The following CCDC7 variants were observed in gnomAD, a reference collection of about 807,000 sequenced individuals.
CCDC7 encodes the protein coiled-coil domain containing 7, also known as coiled-coil domain-containing protein 7.
Under a neutral mutation model 196.9 loss-of-function variants are expected in CCDC7, and 183 were observed. The ratio of observed to expected loss-of-function variants is 0.93; its 90% confidence interval spans 0.82 to 1.05. The LOEUF is 1.05. Among genes scored for constraint, CCDC7 ranks in the 50% least tolerant of loss-of-function variants. The pLI is 0.00. For synonymous variants in CCDC7, 525 were observed against 484.6 expected, an observed-to-expected ratio of 1.08 and a Z score of -1.10; for missense variants, 1,540 against 1,482.2, an observed-to-expected ratio of 1.04 and a Z score of -0.64.
At chr10:32,866,251 A>C (rs947703) in intron 41 of CCDC7, among the ~76,000 whole-genome samples, 2 of 151,636 alleles carry the variant, frequency 1.3e-5, no homozygotes, top group Admixed American at 1.3e-4. Context: ...AAAGAAATAA[A>C]TGATAAGCTA....
chr10:32,578,598 C>T lies in CCDC7; in HGVS notation c.1455-4436C>T, dbSNP rs942736625. 5.9e-5 allele frequency among the ~76,000 whole-genome samples: 9 copies of T among 151,540 alleles called. No individual in the cohort carries two copies. The South Asian group carries it at 1.5e-3, about 25-fold the overall frequency. On this transcript the variant is annotated intron_variant, in intron 16 of 41. Coordinates refer to ENST00000639629, the Ensembl canonical transcript of CCDC7. ...TGTGAAGTTAACAATAGGATTTGTG[C>T]TTCTATGAGAAACTAATGCGGCTGC...
rs561805217 is a variant in CCDC7, at chr10:32,494,052, A to G, written c.872+2055A>G. On this transcript the variant is annotated intron_variant, in intron 9 of 41. Coordinates refer to ENST00000639629, the Ensembl canonical transcript of CCDC7. ...AAACTATTTAGCTTGATGCAGTCCC[A>G]TTTGTCTATTTTTGCTTTTGTTACC... 5.3e-5 allele frequency among the ~76,000 whole-genome samples: 8 copies of G among 152,142 alleles called. No homozygotes were observed. In the South Asian group the frequency reaches 1.5e-3, roughly 28 times the overall value.
At chr10:32,684,323 G>C (rs2076217955) in intron 21 of CCDC7, among the ~76,000 whole-genome samples, 1 of 152,202 alleles carries the variant, frequency 6.6e-6, no homozygotes, top group Non-Finnish European at 1.5e-5. Context: ...GGCCTGAATA[G>C]CGGCTCTGCG....
At chr10:32,541,081 T>C (rs921688783) in intron 11 of CCDC7, among the ~76,000 whole-genome samples, 1 of 152,056 alleles carries the variant, frequency 6.6e-6, no homozygotes, top group Admixed American at 6.5e-5. Context: ...TTCTTTGTTT[T>C]TGTCTGATTG....
intron 13 of CCDC7, among the ~76,000 whole-genome samples, chr10:32,551,404 GCT>G (rs1210394298): frequency 2.6e-5 from 4 of 151,762 alleles, no homozygotes; most frequent in African/African-American, 9.7e-5. Context: ...ATTTAGTTCT[GCT>G]CTGATCTTGG....
intron 21 of CCDC7, among the ~76,000 whole-genome samples, chr10:32,675,216 A>G (rs2074725281): frequency 6.6e-6 from 1 of 151,914 alleles, no homozygotes; most frequent in African/African-American, 2.4e-5. Flanking sequence ...ACTTTTTATA[A>G]TGATATACTT....
intron 13 of CCDC7, among the ~76,000 whole-genome samples, chr10:32,562,773 A>C (rs577312400): frequency 2.6e-5 from 4 of 152,036 alleles, no homozygotes; most frequent in African/African-American, 9.7e-5. Flanking sequence ...ACTCCTATTC[A>C]ACATAGTGTT....
chr10:32,453,281 C>T (rs2033554537), intron 1 of CCDC7, 63 bp from the exon 3 acceptor site: 1 of 1,106,870 alleles, frequency 9.0e-7, no homozygotes, highest in Non-Finnish European at 1.2e-6. Context: ...ATATTATTTA[C>T]ATTTAATATA....
intron 20 of CCDC7, among the ~76,000 whole-genome samples, chr10:32,641,981 G>A (rs2066889838): frequency 6.6e-6 from 1 of 152,210 alleles, no homozygotes; most frequent in Non-Finnish European, 1.5e-5. Flanking sequence ...TTGGTGAACA[G>A]CAAATGTTGC....
At chr10:32,866,204 A>G (rs1261471655) in intron 41 of CCDC7, among the ~76,000 whole-genome samples, 2 of 151,820 alleles carry the variant, frequency 1.3e-5, no homozygotes, top group African/African-American at 2.4e-5. Context: ...GGGTGTGTCA[A>G]TGACTGTTTA....
At chr10:32,444,029 G>A (rs2030468243), upstream of CCDC7, among the ~76,000 whole-genome samples, 1 of 152,136 alleles carries the variant, frequency 6.6e-6, no homozygotes, top group African/African-American at 2.4e-5. Context: ...GAAATTGTAT[G>A]TTGTCTGGGA....
intron 29 of CCDC7, among the ~76,000 whole-genome samples, chr10:32,803,668 T>A (rs575749247): frequency 6.6e-6 from 1 of 152,318 alleles, no homozygotes; most frequent in East Asian, 1.9e-4. Flanking sequence ...TAGTTGCTTC[T>A]TGGTTTTTTG....
At chr10:32,751,868 G>T (rs549766565) in intron 28 of CCDC7, among the ~76,000 whole-genome samples, 1 of 152,222 alleles carries the variant, frequency 6.6e-6, no homozygotes, top group East Asian at 1.9e-4. Flanking sequence ...TATTCTTCAA[G>T]TTTATGAACC....
Position 32,548,263 on chromosome 10 carries a change from C to T in CCDC7, c.1134+3962C>T, listed in dbSNP as rs200095843. Among the ~76,000 whole-genome samples, 26 of 152,148 alleles carry T rather than the reference C, an allele frequency of 1.7e-4. No homozygotes were observed. In the East Asian group the frequency reaches 3.3e-3, roughly 19 times the overall value. ...TGGACCGCACAGTCTAAGCTAATTC[C>T]GATTGGCTATTTTAAAGAGAGCAGG... On this transcript the variant is annotated intron_variant, in intron 13 of 41. Coordinates refer to ENST00000639629, the Ensembl canonical transcript of CCDC7.
At chr10:32,494,238 T>G (rs1436431717) in intron 9 of CCDC7, among the ~76,000 whole-genome samples, 1 of 152,164 alleles carries the variant, frequency 6.6e-6, no homozygotes, top group African/African-American at 2.4e-5. Flanking sequence ...AGGACCCTAT[T>G]TCATTCTTCT....
Position 32,811,239 on chromosome 10 carries a change from A to C in CCDC7, c.3098-3131A>C, listed in dbSNP as rs1048369149. On this transcript the variant is annotated intron_variant, in intron 30 of 41. Coordinates refer to ENST00000639629, the Ensembl canonical transcript of CCDC7. ...AAAACTTGGTGTTTTAAAAAGATGA[A>C]ATTAATAAACCACTAGGTAGACTAA... 2.6e-5 allele frequency among the ~76,000 whole-genome samples: 4 copies of C among 152,194 alleles called. No individual in the cohort carries two copies. The East Asian group carries it at 7.7e-4, about 29-fold the overall frequency.
At chr10:32,824,435 TATG>T in intron 31 of CCDC7, 80 bp from the exon 33 acceptor site, 1 of 750,564 alleles carries the variant, frequency 1.3e-6, no homozygotes, top group Non-Finnish European at 2.2e-6. Context: ...GAATATTAAT[TATG>T]ATAGTATTAG....
intron 30 of CCDC7, among the ~76,000 whole-genome samples, chr10:32,808,232 C>T (rs368172911): frequency 1.3e-5 from 2 of 152,148 alleles, no homozygotes; most frequent in Admixed American, 6.5e-5. Context: ...AGCCTAGAGC[C>T]GTGTTTCAGT....
intron 32 of CCDC7, among the ~76,000 whole-genome samples, chr10:32,834,349 A>C (rs1163135865): frequency 6.6e-6 from 1 of 152,052 alleles, no homozygotes; most frequent in Non-Finnish European, 1.5e-5. Context: ...TCACAAGTTG[A>C]CTTGTGAATA....
Sources: gnomAD v4.1 joint callset for allele counts (sites outside exome capture counted in the v4.1 genomes callset) on GRCh38, gnomAD v4.1.1 for gene constraint, MANE v1.5 for transcripts, NCBI Gene and HGNC (gene_info 2026-07-23, HGNC 2026-07-21) for gene names.